ADAMTSL1: variants seen among roughly 807,000 people sequenced by gnomAD.
ADAMTSL1 encodes ADAMTS-like protein 1.
ADAMTSL1 carries 126 observed loss-of-function variants against 201.8 expected under a neutral mutation model. The observed-to-expected ratio is 0.62, with a 90% CI of 0.54 to 0.72. The LOEUF (loss-of-function observed/expected upper bound fraction) is 0.72, where lower values mean the gene tolerates loss of function less well. Among genes scored for constraint, ADAMTSL1 ranks in the 30% least tolerant of loss-of-function variants. The pLI is 0.00. For synonymous variants in ADAMTSL1, 1,121 were observed against 903.4 expected (o/e 1.24, Z -4.32); for missense variants, 2,679 against 2,277.8 (o/e 1.18, Z -3.59).
intron 4 of ADAMTSL1, among the ~76,000 whole-genome samples, chr9:18,579,405 T>A (rs1329718167): frequency 6.9e-6 from 1 of 144,540 alleles, no homozygotes; most frequent in East Asian, 2.1e-4. Flanking sequence ...AGATGACGAG[T>A]TAGTGGGTGC....
chr9:18,044,487 G>A lies in ADAMTSL1; in HGVS notation c.88-119375G>A, dbSNP rs944198519. On this transcript the variant is annotated intron_variant, in intron 1 of 29. Coordinates refer to the ADAMTSL1 transcript ENST00000680146. ...CCAGTCTTCATAACTCTTGGCCTGCGATTTGGTGTAGGGACTTGTAGGCGG... is the reference window on the plus strand; with the variant it reads ...CCAGTCTTCATAACTCTTGGCCTGCAATTTGGTGTAGGGACTTGTAGGCGG... 2.0e-5 allele frequency among the ~76,000 whole-genome samples: 3 copies of A among 152,246 alleles called. No homozygotes were observed. The East Asian group carries it at 5.8e-4, about 29-fold the overall frequency.
At chr9:18,290,142 A>G (rs530602760) in intron 2 of ADAMTSL1, among the ~76,000 whole-genome samples, 1 of 152,212 alleles carries the variant, frequency 6.6e-6, no homozygotes, top group Non-Finnish European at 1.5e-5. Context: ...CATATCTTTT[A>G]ATAGAAGAGG....
At chr9:18,032,175 C>A (rs916013307) in intron 1 of ADAMTSL1, among the ~76,000 whole-genome samples, 4 of 152,160 alleles carry the variant, frequency 2.6e-5, no homozygotes, top group African/African-American at 9.7e-5. Context: ...CCTTCCTGGA[C>A]CAGTCTTGCA....
At chr9:18,740,570 C>T (rs144738247) in intron 15 of ADAMTSL1, among the ~76,000 whole-genome samples, 3,080 of 151,156 alleles carry the variant, frequency 0.02, 42 homozygotes, top group East Asian at 0.036. Flanking sequence ...TCCACCTCCC[C>T]GGTTCCAGCG....
At chr9:18,404,987 A>G (rs1818128761) in intron 2 of ADAMTSL1, among the ~76,000 whole-genome samples, 1 of 152,020 alleles carries the variant, frequency 6.6e-6, no homozygotes, top group African/African-American at 2.4e-5. Flanking sequence ...TCTGGCCAAC[A>G]ACTTTCTTGA....
chr9:18,804,338 G>A lies in ADAMTSL1; in HGVS notation c.3805+8814G>A, dbSNP rs909735425. Reference sequence around the variant, plus strand: ...CTCAGAGAACTGGTGAAGACAAAGGGTACAGGGTAAATAGAGCTGACTATT... The same window carrying A: ...CTCAGAGAACTGGTGAAGACAAAGGATACAGGGTAAATAGAGCTGACTATT... On this transcript the variant is annotated intron_variant, in intron 20 of 28. Transcript: ENST00000380548. 2.0e-5 allele frequency among the ~76,000 whole-genome samples: 3 copies of A among 152,272 alleles called. No homozygotes were observed. The East Asian group carries it at 5.8e-4, about 29-fold the overall frequency.
intron 2 of ADAMTSL1, among the ~76,000 whole-genome samples, chr9:18,229,104 T>C (rs1442080157): frequency 6.6e-6 from 1 of 152,110 alleles, no homozygotes; most frequent in Non-Finnish European, 1.5e-5. Context: ...TTACAGCATA[T>C]GCAAAAAAGA....
At chr9:18,556,003 A>G (rs1029289542) in intron 3 of ADAMTSL1, among the ~76,000 whole-genome samples, 9 of 151,196 alleles carry the variant, frequency 6.0e-5, no homozygotes, top group Admixed American at 5.3e-4. Context: ...AATAAAAAAA[A>G]TACATATAAA....
At chr9:18,450,802 G>A (rs1485800045) in intron 2 of ADAMTSL1, among the ~76,000 whole-genome samples, 1 of 152,146 alleles carries the variant, frequency 6.6e-6, no homozygotes, top group Non-Finnish European at 1.5e-5. Context: ...AGTGAAAAAT[G>A]TCATCATTTC....
chr9:18,709,469 A>G (rs1832425649), intron 14 of ADAMTSL1, among the ~76,000 whole-genome samples: 1 of 152,212 alleles, frequency 6.6e-6, no homozygotes, highest in South Asian at 2.1e-4. Context: ...TAATCTCAAG[A>G]GATGAAATTG....
At chr9:18,231,887 C>T (rs1323956684) in intron 2 of ADAMTSL1, among the ~76,000 whole-genome samples, 1 of 152,140 alleles carries the variant, frequency 6.6e-6, no homozygotes, top group Non-Finnish European at 1.5e-5. Context: ...TCAGTCTTAC[C>T]ACCTTTACTC....
chr9:18,549,765 T>A (rs1386689457), intron 3 of ADAMTSL1, among the ~76,000 whole-genome samples: 1 of 151,980 alleles, frequency 6.6e-6, no homozygotes, highest in Non-Finnish European at 1.5e-5. Context: ...GTCCCCAAGT[T>A]CTGTCTTTCT....
intron 2 of ADAMTSL1, among the ~76,000 whole-genome samples, chr9:18,287,443 T>C (rs760441700): frequency 3.7e-4 from 56 of 151,808 alleles, no homozygotes; most frequent in Non-Finnish European, 7.4e-4. Flanking sequence ...TACATATATG[T>C]ATGTGTATTT....
chr9:17,957,386 G>T (rs894936351), intron 1 of ADAMTSL1, among the ~76,000 whole-genome samples: 1 of 152,184 alleles, frequency 6.6e-6, no homozygotes, highest in South Asian at 2.1e-4. Context: ...AGCATGGCTT[G>T]GAAGCCAATG....
chr9:18,008,235 G>A (rs1255028247), intron 1 of ADAMTSL1, among the ~76,000 whole-genome samples: 1 of 151,922 alleles, frequency 6.6e-6, no homozygotes, highest in Non-Finnish European at 1.5e-5. Context: ...TCTGTGAAAT[G>A]GCTAAATAAG....
At chr9:17,957,002 A>C (rs1424461556) in intron 1 of ADAMTSL1, among the ~76,000 whole-genome samples, 1 of 152,166 alleles carries the variant, frequency 6.6e-6, no homozygotes, top group Non-Finnish European at 1.5e-5. Context: ...TGTATAATGA[A>C]ATGGCATAGC....
At chr9:18,884,997 A>T (rs757390594) in intron 23 of ADAMTSL1, among the ~76,000 whole-genome samples, 2 of 152,226 alleles carry the variant, frequency 1.3e-5, no homozygotes, top group Non-Finnish European at 2.9e-5. Flanking sequence ...TCCTAACAGT[A>T]TTAAGTCTCC....
chr9:18,131,021 C>T (rs1379160063), intron 1 of ADAMTSL1, among the ~76,000 whole-genome samples: 1 of 152,032 alleles, frequency 6.6e-6, no homozygotes, highest in African/African-American at 2.4e-5. Flanking sequence ...AATCAATGTC[C>T]CCATGGTATA....
At chr9:18,271,621 T>C (rs1832372415) in intron 2 of ADAMTSL1, among the ~76,000 whole-genome samples, 1 of 152,214 alleles carries the variant, frequency 6.6e-6, no homozygotes, top group African/African-American at 2.4e-5. Flanking sequence ...TTGTGAATAG[T>C]GCCGCAATAA....
Sources: allele counts gnomAD v4.1 joint callset (sites outside exome capture counted in the v4.1 genomes callset), GRCh38; gene constraint gnomAD v4.1.1; transcripts MANE v1.5; gene names NCBI Gene and HGNC (gene_info 2026-07-23, HGNC 2026-07-21).